Variants in CCDC54 observed in about 807,000 individuals in gnomAD.
CCDC54 encodes coiled-coil domain-containing protein 54.
CCDC54 carries 2 observed loss-of-function variants against 2.9 expected under a neutral mutation model. The observed-to-expected ratio is 0.69, with a 90% CI of 0.28 to 2.16. The LOEUF is 2.16. Among genes scored for constraint, CCDC54 ranks in the 30% most tolerant of loss-of-function variants. The pLI, the probability that CCDC54 is intolerant of heterozygous loss-of-function variation, is 0.13. For synonymous variants in CCDC54, 128 were observed against 129.6 expected (o/e 0.99, Z 0.08); for missense variants, 368 against 378.1 (o/e 0.97, Z 0.22).
Position 107,378,011 on chromosome 3 carries a change from G to C in CCDC54, c.424G>C (p.Glu142Gln), listed in dbSNP as rs200376354. 36 of 1,614,164 alleles carry C rather than the reference G, an allele frequency of 2.2e-5. No homozygotes were observed. In the East Asian group the frequency reaches 8.0e-4, roughly 36 times the overall value. ...CAAGGCATTAAAGAAGAAGGTGACA[G>C]AACTGGAAATTCAGAATTCCTGCTC... ...DIKALKKKVT[E>Q]LEIQNSCSTI... The change falls in exon 1 of 1, where the codon GAA becomes CAA. Residue 142 changes from glutamate (E) to glutamine (Q), a missense_variant. Transcript: ENST00000261058.
Position 107,377,733 on chromosome 3 carries a change from C to CATCTGA in CCDC54, c.147_152dup (p.Ser50_Asp51insGluSer), listed in dbSNP as rs750600747. The CATCTGA allele has an allele frequency of 1.9e-6, 3 of 1,614,114 alleles. No individual in the cohort carries two copies. The highest frequency in any genetic ancestry group is 2.5e-6 in the Non-Finnish European group (3 of 1,179,964). The stretch of plus-strand genomic sequence containing the variant: ...GATTCAACTGGATATCCCACTGTGA[C>CATCTGA]ATCTGATGATTGTAATCAAGATGAT... On this transcript the variant is annotated inframe_insertion, in exon 1 of 1. Transcript: ENST00000261058.
the CCDC54 span, chr3:107,378,053 G>T: frequency 6.2e-7 from 1 of 1,614,164 alleles, no homozygotes; most frequent in South Asian, 1.1e-5. Flanking sequence ...ACATTGTCTA[G>T]AGATTCTGGA....
chr3:107,377,478 T>C lies in CCDC54; in HGVS notation c.-110T>C. ...TGATTTCCAGAGTGTTCTAAGATGTTATCAGGAAAGGCATCCAACAAATAG... is the reference window on the plus strand; with the variant it reads ...TGATTTCCAGAGTGTTCTAAGATGTCATCAGGAAAGGCATCCAACAAATAG... On this transcript the variant is annotated 5_prime_UTR_variant, in exon 1 of 1. Transcript: ENST00000261058. The C allele has an allele frequency of 9.0e-7, 1 of 1,108,390 alleles. No homozygotes were observed. The allele number at this position is 1,108,390 out of a possible 1,614,324, so 68.7% of individuals were successfully genotyped here.
At position 107,378,222 on chromosome 3, in the gene CCDC54, C is replaced by T. The variant is rs773691460; in HGVS notation, c.635C>T (p.Thr212Ile). The T allele has an allele frequency of 3.1e-5, 50 of 1,613,940 alleles. No homozygotes were observed. The highest frequency in any genetic ancestry group is 3.5e-5 in the Non-Finnish European group (41 of 1,180,010). ...TCCACTGACCATCTTGAGAAAAAAA[C>T]AATTTCTCCCCAAATGAAAACTCTG... is the stretch of plus-strand genomic sequence containing the variant. The part of the protein sequence containing the change: ...PKSTDHLEKK[T>I]ISPQMKTLKK... The change falls in exon 1 of 1, where the codon ACA (threonine) becomes ATA (isoleucine). Residue 212 changes from threonine to isoleucine, a missense_variant. Coordinates refer to ENST00000261058, the MANE Select transcript of CCDC54 (RefSeq NM_032600.3).
chr3:107,378,471 C>T lies in CCDC54; in HGVS notation c.884C>T (p.Pro295Leu). ...EPQVITQRYC[P>L]FTGPILSLTT... ...CAGGTCATAACCCAGAGATACTGTC[C>T]ATTCACTGGGCCCATTTTGAGCTTG... The change falls in exon 1 of 1, where the codon CCA (proline) becomes CTA (leucine). Residue 295 changes from proline to leucine, a missense_variant. Pro to Leu is a moderately conservative substitution (Grantham distance 98). Coordinates refer to ENST00000261058, the MANE Select transcript of CCDC54 (RefSeq NM_032600.3). 1.9e-6 allele frequency: 3 copies of T among 1,614,002 alleles called. No individual in the cohort carries two copies. Among genetic ancestry groups the T allele is most frequent in the Non-Finnish European group, 2.5e-6 (3 of 1,179,840 alleles).
Position 107,378,347 on chromosome 3 carries a change from G to A in CCDC54, c.760G>A (p.Val254Ile), listed in dbSNP as rs568494047. The A allele has an allele frequency of 3.7e-6, 6 of 1,614,156 alleles. No homozygotes were observed. The highest frequency in any genetic ancestry group is 2.7e-5 in the African/African-American group (2 of 75,040). Residue 254 changes from valine to isoleucine, a missense_variant, in exon 1 of 1, where the codon GTT (valine) becomes ATT (isoleucine). Physicochemically the swap from Val to Ile is conservative, Grantham distance 29 (BLOSUM62 3). Transcript: ENST00000261058. ...DFSTWIKLTF[V>I]HGGKWTFFLS... ...CAGTACATGGATCAAGCTAACTTTT[G>A]TTCATGGAGGAAAATGGACATTTTT...
rs1306083282 is a variant in CCDC54 at position 107,378,170 on chromosome 3, C to A, written c.583C>A (p.Pro195Thr). ...STDMEISSAE[P>T]EKVPSYPKST... Reference sequence around the variant, plus strand: ...AGACATGGAAATCTCTTCAGCAGAACCAGAGAAAGTGCCCAGTTATCCAAA... The same window carrying A: ...AGACATGGAAATCTCTTCAGCAGAAACAGAGAAAGTGCCCAGTTATCCAAA... The change falls in exon 1 of 1, where the codon CCA (proline) becomes ACA (threonine). Residue 195 changes from proline to threonine, a missense_variant. Physicochemically the swap from Pro to Thr is conservative, Grantham distance 38. Transcript: ENST00000261058. 6.2e-7 allele frequency: 1 copy of A among 1,614,044 alleles called. No homozygotes were observed. The highest frequency in any genetic ancestry group is 8.5e-7 in the Non-Finnish European group (1 of 1,180,034).
rs2046552313 is a variant in CCDC54, at chr3:107,378,249, A to G, written c.662A>G (p.Lys221Arg). 2 of 1,613,954 alleles carry G rather than the reference A, an allele frequency of 1.2e-6. No homozygotes were observed. Among genetic ancestry groups the G allele is most frequent in the Admixed American group, 1.7e-5 (1 of 59,962 alleles). ...KTISPQMKTL[K>R]KRNHQNASRS... ...ATTTCTCCCCAAATGAAAACTCTGAAGAAACGTAACCATCAAAATGCATCA... is the reference window on the plus strand; with the variant it reads ...ATTTCTCCCCAAATGAAAACTCTGAGGAAACGTAACCATCAAAATGCATCA... Residue 221 changes from lysine to arginine, a missense_variant, in exon 1 of 1, where the codon AAG becomes AGG. Lys to Arg is a conservative substitution (Grantham distance 26). Transcript: ENST00000261058.
chr3:107,378,130 C>T lies in CCDC54; in HGVS notation c.543C>T (p.Asn181=), dbSNP rs765982298. The change falls in exon 1 of 1, where the codon AAC becomes AAT. Residue 181 remains asparagine (N), a synonymous_variant. Transcript: ENST00000261058. ...TCATACAACCAGCAACTCTGAAGAA[C>T]ACTTTGGCCTCTACAGACATGGAAA... The part of the protein sequence containing the change: ...YKLIQPATLK[N]TLASTDMEIS... 7.4e-6 allele frequency: 12 copies of T among 1,614,018 alleles called. No homozygotes were observed. Among genetic ancestry groups the T allele is most frequent in the African/African-American group, 2.7e-5 (2 of 74,914 alleles).
Position 107,378,309 on chromosome 3 carries a change from T to A in CCDC54, c.722T>A (p.Ile241Asn). The A allele has an allele frequency of 6.2e-7, 1 of 1,614,214 alleles. No homozygotes were observed. The highest frequency in any genetic ancestry group is 8.5e-7 in the Non-Finnish European group (1 of 1,180,030). ...GAAAAAGCAAAGCCAAATATTTACA[T>A]TTACCCAGACTTCAGTACATGGATC... is the stretch of plus-strand genomic sequence containing the variant. ...SFEKAKPNIYIYPDFSTWIKL... is the reference protein window; with the variant it reads ...SFEKAKPNIYNYPDFSTWIKL... The change falls in exon 1 of 1, where the codon ATT becomes AAT. Residue 241 changes from isoleucine (I) to asparagine (N), a missense_variant. Transcript: ENST00000261058.
chr3:107,378,315 C>A lies in CCDC54; in HGVS notation c.728C>A (p.Pro243Gln), dbSNP rs1228424750. The change falls in exon 1 of 1, where the codon CCA (proline) becomes CAA (glutamine). Residue 243 changes from proline to glutamine, a missense_variant. Coordinates refer to ENST00000261058, the MANE Select transcript of CCDC54 (RefSeq NM_032600.3). ...EKAKPNIYIY[P>Q]DFSTWIKLTF... is the part of the protein sequence containing the mutation. The stretch of plus-strand genomic sequence containing the variant: ...GCAAAGCCAAATATTTACATTTACC[C>A]AGACTTCAGTACATGGATCAAGCTA... 1 of 1,614,088 alleles carries A rather than the reference C, an allele frequency of 6.2e-7. No homozygotes were observed. The highest frequency in any genetic ancestry group is 8.5e-7 in the Non-Finnish European group (1 of 1,180,038).
rs2046551384 is a variant in CCDC54, at chr3:107,378,185, A to C, written c.598A>C (p.Ser200Arg). 1 of 1,614,076 alleles carries C rather than the reference A, an allele frequency of 6.2e-7. No individual in the cohort carries two copies. The highest frequency in any genetic ancestry group is 1.7e-5 in the Admixed American group (1 of 60,006). Residue 200 changes from serine (S) to arginine (R), a missense_variant, in exon 1 of 1, where the codon AGT becomes CGT. By Grantham distance (110) the Ser-to-Arg change is moderately radical (BLOSUM62 -1). Transcript: ENST00000261058. ...ISSAEPEKVP[S>R]YPKSTDHLEK... is the part of the protein sequence containing the mutation. Reference sequence around the variant, plus strand: ...TTCAGCAGAACCAGAGAAAGTGCCCAGTTATCCAAAGTCCACTGACCATCT... The same window carrying C: ...TTCAGCAGAACCAGAGAAAGTGCCCCGTTATCCAAAGTCCACTGACCATCT...
rs534564254 is a variant in CCDC54 at position 107,377,856 on chromosome 3, T to A, written c.269T>A (p.Met90Lys). The change falls in exon 1 of 1, where the codon ATG (methionine) becomes AAG (lysine). Residue 90 changes from methionine (M) to lysine (K), a missense_variant. Physicochemically the swap from Met to Lys is moderately conservative, Grantham distance 95. Transcript: ENST00000261058. The stretch of plus-strand genomic sequence containing the variant: ...AGCCAAATGACTGACATTGTCCATA[T>A]GATACCAAAAGTCCAGGAAAAGACT... ...LFSQMTDIVH[M>K]IPKVQEKTDL... The A allele has an allele frequency of 1.4e-5, 22 of 1,614,056 alleles. No homozygotes were observed. Among genetic ancestry groups the A allele is most frequent in the Non-Finnish European group, 1.7e-6 (2 of 1,180,036 alleles).
chr3:107,378,583 T>C lies in CCDC54; in HGVS notation c.*9T>C, dbSNP rs747765217. On this transcript the variant is annotated 3_prime_UTR_variant, in exon 1 of 1. Transcript: ENST00000261058. Reference sequence around the variant, plus strand: ...AAGTAACTCGACTATAGAGTTATGTTCTGCTTTGCTTGGCACAAAATAAAT... The same window carrying C: ...AAGTAACTCGACTATAGAGTTATGTCCTGCTTTGCTTGGCACAAAATAAAT... The C allele has an allele frequency of 6.2e-7, 1 of 1,602,974 alleles. No homozygotes were observed. The highest frequency in any genetic ancestry group is 2.2e-5 in the East Asian group (1 of 44,826).
In CCDC54 at chr3:107,377,526, G is replaced by C; in HGVS notation, c.-62G>C. ...TAGTAAGAGAAGGACCATTTCATTTGTACATTATTTCTTCCTGTGATTCTG... is the reference window on the plus strand; with the variant it reads ...TAGTAAGAGAAGGACCATTTCATTTCTACATTATTTCTTCCTGTGATTCTG... On this transcript the variant is annotated 5_prime_UTR_variant, in exon 1 of 1. Transcript: ENST00000261058. 4.0e-6 allele frequency: 6 copies of C among 1,488,544 alleles called. No individual in the cohort carries two copies. The highest frequency in any genetic ancestry group is 4.5e-6 in the Non-Finnish European group (5 of 1,103,090). The allele number at this position is 1,488,544 out of a possible 1,614,324, so 92.2% of individuals were successfully genotyped here.
Position 107,378,286 on chromosome 3 carries a change from A to G in CCDC54, c.699A>G (p.Glu233=). Residue 233 remains glutamate (E), a synonymous_variant, in exon 1 of 1, where the codon GAA becomes GAG. Coordinates refer to ENST00000261058, the MANE Select transcript of CCDC54 (RefSeq NM_032600.3). ...RNHQNASRSF[E]KAKPNIYIYP... ...ATCAAAATGCATCAAGGAGCTTTGA[A>G]AAAGCAAAGCCAAATATTTACATTT... is the stretch of plus-strand genomic sequence containing the variant. The G allele has an allele frequency of 6.2e-7, 1 of 1,614,144 alleles. No homozygotes were observed. Among genetic ancestry groups the G allele is most frequent in the Non-Finnish European group, 8.5e-7 (1 of 1,180,018 alleles).
Position 107,377,858 on chromosome 3 carries a change from A to G in CCDC54, c.271A>G (p.Ile91Val), listed in dbSNP as rs369848479. ...FSQMTDIVHM[I>V]PKVQEKTDLY... Reference sequence around the variant, plus strand: ...CCAAATGACTGACATTGTCCATATGATACCAAAAGTCCAGGAAAAGACTGA... The same window carrying G: ...CCAAATGACTGACATTGTCCATATGGTACCAAAAGTCCAGGAAAAGACTGA... The change falls in exon 1 of 1, where the codon ATA (isoleucine) becomes GTA (valine). Residue 91 changes from isoleucine to valine, a missense_variant. Transcript: ENST00000261058. 1.2e-6 allele frequency: 2 copies of G among 1,614,194 alleles called. No homozygotes were observed. The highest frequency in any genetic ancestry group is 1.7e-6 in the Non-Finnish European group (2 of 1,180,024).
Position 107,377,706 on chromosome 3 carries a change from A to G in CCDC54, c.119A>G (p.Gln40Arg). 6.2e-7 allele frequency: 1 copy of G among 1,614,194 alleles called. No homozygotes were observed. The highest frequency in any genetic ancestry group is 2.2e-5 in the East Asian group (1 of 44,866). Residue 40 changes from glutamine (Q) to arginine (R), a missense_variant, in exon 1 of 1, where the codon CAA becomes CGA. Transcript: ENST00000261058. ...TACCACAAATGTAAGATTCGGCACC[A>G]AGATTCAACTGGATATCCCACTGTG... ...NVYHKCKIRH[Q>R]DSTGYPTVTS...
chr3:107,378,318 A>T lies in CCDC54; in HGVS notation c.731A>T (p.Asp244Val). Residue 244 changes from aspartate (D) to valine (V), a missense_variant, in exon 1 of 1, where the codon GAC becomes GTC. Physicochemically the swap from Asp to Val is radical, Grantham distance 152. Coordinates refer to ENST00000261058, the MANE Select transcript of CCDC54 (RefSeq NM_032600.3). ...AAGCCAAATATTTACATTTACCCAGACTTCAGTACATGGATCAAGCTAACT... is the reference window on the plus strand; with the variant it reads ...AAGCCAAATATTTACATTTACCCAGTCTTCAGTACATGGATCAAGCTAACT... Reference protein sequence around the residue: ...KAKPNIYIYPDFSTWIKLTFV... With the variant: ...KAKPNIYIYPVFSTWIKLTFV... 6.2e-7 allele frequency: 1 copy of T among 1,614,204 alleles called. No homozygotes were observed. The highest frequency in any genetic ancestry group is 8.5e-7 in the Non-Finnish European group (1 of 1,180,036).
Sources: allele counts gnomAD v4.1 joint callset, GRCh38; gene constraint gnomAD v4.1.1; transcripts MANE v1.5; gene names NCBI Gene and HGNC (gene_info 2026-07-23, HGNC 2026-07-21).